Variants in NEK7 observed in about 807,000 individuals in gnomAD.
NEK7 encodes NIMA related kinase 7, also known as serine/threonine-protein kinase Nek7.
A neutral mutation model predicts 44.6 loss-of-function variants in NEK7; 18 were observed. That is an observed-to-expected ratio of 0.40 (90% CI 0.28 to 0.60). The LOEUF is 0.60. Among genes scored for constraint, NEK7 ranks in the 20% least tolerant of loss-of-function variants. NEK7 has a pLI of 0.38. For synonymous variants in NEK7, 130 were observed against 121.1 expected (o/e 1.07, Z -0.48); for missense variants, 256 against 366.5 (o/e 0.70, Z 2.46).
intron 9 of NEK7, among the ~76,000 whole-genome samples, chr1:198,304,337 AGTGACACTTTGGT>A (rs1654969100): frequency 6.6e-6 from 1 of 152,184 alleles, no homozygotes; most frequent in Admixed American, 6.5e-5. Flanking sequence ...TTCAATCACT[AGTGACACTTTGGT>A]GTACAAGTTG....
intron 2 of NEK7, among the ~76,000 whole-genome samples, chr1:198,251,512 C>G (rs1031973304): frequency 4.6e-5 from 7 of 151,438 alleles, no homozygotes; most frequent in African/African-American, 1.7e-4. Flanking sequence ...GTCCTGGACT[C>G]TTTTTGGTTG....
chr1:198,238,045 C>A (rs1279761702), intron 2 of NEK7, among the ~76,000 whole-genome samples: 1 of 152,168 alleles, frequency 6.6e-6, no homozygotes, highest in Non-Finnish European at 1.5e-5. Flanking sequence ...TGTCCACTTT[C>A]TTTATGAGCC....
chr1:198,238,130 A>T (rs1245809294), intron 2 of NEK7, among the ~76,000 whole-genome samples: 1 of 152,088 alleles, frequency 6.6e-6, no homozygotes, highest in African/African-American at 2.4e-5. Context: ...AACCACCTAC[A>T]TTCTCCCTTT....
At chr1:198,209,643 C>CT (rs1375768492) in intron 1 of NEK7, among the ~76,000 whole-genome samples, 1 of 151,688 alleles carries the variant, frequency 6.6e-6, no homozygotes, top group Non-Finnish European at 1.5e-5. Flanking sequence ...TTTAATTTTT[C>CT]TTTCTTTTAC....
rs545522444 is a variant in NEK7, at chr1:198,289,671, T to A, written c.590-3274T>A. Among the ~76,000 whole-genome samples, 19 of 152,282 alleles carry A rather than the reference T, an allele frequency of 1.2e-4. No homozygotes were observed. The South Asian group carries it at 3.9e-3, about 32-fold the overall frequency. ...TCGTTGTTTTCTTTTTTCATTCAAA[T>A]TTTTGCAGAGATTACAGTGCTAAAT... On this transcript the variant is annotated intron_variant, in intron 7 of 9. Coordinates refer to ENST00000367385, the MANE Select transcript of NEK7 (RefSeq NM_133494.3).
At chr1:198,237,526 C>T (rs1379671508) in intron 2 of NEK7, among the ~76,000 whole-genome samples, 1 of 152,202 alleles carries the variant, frequency 6.6e-6, no homozygotes, top group Non-Finnish European at 1.5e-5. Flanking sequence ...TCCTATTTCT[C>T]TGGTCTCATA....
chr1:198,252,684 T>TTACG (rs1198940167), intron 2 of NEK7, among the ~76,000 whole-genome samples: 5 of 121,994 alleles, frequency 4.1e-5, no homozygotes, highest in East Asian at 6.0e-4. Context: ...ATATGTATGT[T>TTACG]TATGTATTAA....
At chr1:198,175,979 G>A (rs16842500) in intron 1 of NEK7, among the ~76,000 whole-genome samples, 4 of 152,280 alleles carry the variant, frequency 2.6e-5, no homozygotes, top group East Asian at 1.9e-4. Flanking sequence ...CTCATGCTAT[G>A]TACTCATTAT....
At chr1:198,196,508 G>T (rs1037999563) in intron 1 of NEK7, among the ~76,000 whole-genome samples, 1 of 152,170 alleles carries the variant, frequency 6.6e-6, no homozygotes, top group Non-Finnish European at 1.5e-5. Flanking sequence ...GCTTTAAGTA[G>T]TAACAGTGGC....
intron 1 of NEK7, among the ~76,000 whole-genome samples, chr1:198,158,203 T>A (rs2102687681): frequency 6.6e-6 from 1 of 152,290 alleles, no homozygotes; most frequent in Non-Finnish European, 1.5e-5. Context: ...TGCTAAAAAA[T>A]ATACTTAGTT....
At chr1:198,238,045 C>T (rs1279761702) in intron 2 of NEK7, among the ~76,000 whole-genome samples, 1 of 152,168 alleles carries the variant, frequency 6.6e-6, no homozygotes. Flanking sequence ...TGTCCACTTT[C>T]TTTATGAGCC....
chr1:198,278,003 T>C lies in NEK7; in HGVS notation c.415T>C (p.Trp139Arg). ...GAGGCTAATTCCTGAAAGAACTGTT[T>C]GGAAGTATTTTGTTCAGCTTTGCAG... The part of the protein sequence containing the change: ...QKRLIPERTV[W>R]KYFVQLCSAL... The change falls in exon 6 of 10, where the codon TGG (tryptophan) becomes CGG (arginine). Residue 139 changes from tryptophan (W) to arginine (R), a missense_variant. Trp to Arg is a moderately radical substitution (Grantham distance 101). Transcript: ENST00000367385. 1.9e-6 allele frequency: 3 copies of C among 1,607,840 alleles called. No homozygotes were observed. The highest frequency in any genetic ancestry group is 2.6e-6 in the Non-Finnish European group (3 of 1,175,366).
intron 5 of NEK7, among the ~76,000 whole-genome samples, chr1:198,267,936 G>A (rs1233736267): frequency 6.6e-6 from 1 of 151,820 alleles, no homozygotes; most frequent in African/African-American, 2.4e-5. Flanking sequence ...TGAAACCAGA[G>A]GACTTTGTCC....
At chr1:198,182,760 T>C (rs993245293) in intron 1 of NEK7, among the ~76,000 whole-genome samples, 6 of 152,196 alleles carry the variant, frequency 3.9e-5, no homozygotes, top group African/African-American at 1.4e-4. Context: ...TACAGTTATT[T>C]GTTGTACTCT....
intron 8 of NEK7, among the ~76,000 whole-genome samples, chr1:198,294,023 G>A (rs1654636860): frequency 1.3e-5 from 2 of 151,810 alleles, no homozygotes; most frequent in South Asian, 4.2e-4. Context: ...CCATTACTTG[G>A]AAGTAGAGCA....
At chr1:198,314,793 C>T (rs1655303668) in intron 9 of NEK7, among the ~76,000 whole-genome samples, 1 of 152,216 alleles carries the variant, frequency 6.6e-6, no homozygotes, top group Non-Finnish European at 1.5e-5. Context: ...TGCCCGTTCT[C>T]AGATCTCCAG....
intron 2 of NEK7, among the ~76,000 whole-genome samples, chr1:198,241,839 G>A (rs1279070312): frequency 6.6e-6 from 1 of 151,998 alleles, no homozygotes; most frequent in Non-Finnish European, 1.5e-5. Context: ...CACATAGTTA[G>A]CATTCATTAA....
intron 3 of NEK7, among the ~76,000 whole-genome samples, chr1:198,261,885 T>A (rs916395900): frequency 6.6e-6 from 1 of 151,942 alleles, no homozygotes; most frequent in African/African-American, 2.4e-5. Flanking sequence ...ACCCATGAAA[T>A]TTTAATTCCA....
In NEK7 at chr1:198,203,841, T is replaced by TG. The variant is rs147126059; in HGVS notation, c.-28-28712_-28-28711insG. ...GTGACAGAGGTTGAATTCATTTTTT[T>TG]TTTGTGTGTGTGTGTCCTTCCTTCC... On this transcript the variant is annotated intron_variant, in intron 1 of 9. Coordinates refer to ENST00000367385, the MANE Select transcript of NEK7 (RefSeq NM_133494.3). Among the ~76,000 whole-genome samples, 877 of 151,956 alleles carry TG rather than the reference T, an allele frequency of 5.8e-3. 7 individuals are homozygous for TG. The highest frequency in any genetic ancestry group is 0.019 in the African/African-American group (802 of 41,252).
Sources: gnomAD v4.1 joint callset for allele counts (sites outside exome capture counted in the v4.1 genomes callset) on GRCh38, gnomAD v4.1.1 for gene constraint, MANE v1.5 for transcripts, NCBI Gene and HGNC (gene_info 2026-07-23, HGNC 2026-07-21) for gene names.